NPLOC4: variants seen among roughly 807,000 people sequenced by gnomAD.
NPLOC4 encodes the protein nuclear protein localization protein 4 homolog.
Under a neutral mutation model 80.6 loss-of-function variants are expected in NPLOC4, and 18 were observed. The observed-to-expected ratio is 0.22, with a 90% CI of 0.15 to 0.33. NPLOC4 has a LOEUF of 0.33. NPLOC4 is among the 10% of genes least tolerant of loss of function. The probability of loss-of-function intolerance (pLI) is 1.00; values close to 1 mark genes in which losing one functional copy is unlikely to be tolerated. For synonymous variants in NPLOC4, 313 were observed against 301.5 expected (o/e 1.04, Z -0.39); for missense variants, 540 against 786.1 (o/e 0.69, Z 3.74).
At position 81,637,020 on chromosome 17, in the gene NPLOC4, C is replaced by T. The variant is rs1006236750; in HGVS notation, c.-90G>A. ...GCAGACCCGGCCGCGGCCTCAGCCC[C>T]GGCCCCGGCCTCCCTACGCCGCCGC... On this transcript the variant is annotated 5_prime_UTR_variant, in exon 1 of 17. Transcript: ENST00000331134. 2.4e-6 allele frequency: 2 copies of T among 838,666 alleles called. No homozygotes were observed. The highest frequency in any genetic ancestry group is 3.1e-6 in the Non-Finnish European group (2 of 642,790). 52.0% of individuals were successfully genotyped at this position (838,666 alleles called of 1,614,324 possible).
intron 11 of NPLOC4, 38 bp from the exon 12 acceptor site, chr17:81,589,142 G>GT: frequency 6.3e-7 from 1 of 1,583,334 alleles, no homozygotes; most frequent in Non-Finnish European, 8.6e-7. Flanking sequence ...TCTACCAAAC[G>GT]GCATTCAAAA....
intron 12 of NPLOC4, among the ~76,000 whole-genome samples, chr17:81,578,455 T>C (rs1023273375): frequency 1.3e-5 from 2 of 152,212 alleles, no homozygotes; most frequent in African/African-American, 4.8e-5. Flanking sequence ...TCTCAACAGA[T>C]AAACGGTACG....
At chr17:81,592,309 C>T (rs2034772956) in intron 11 of NPLOC4, among the ~76,000 whole-genome samples, 3 of 152,144 alleles carry the variant, frequency 2.0e-5, no homozygotes, top group Admixed American at 6.5e-5. Flanking sequence ...GGAAAGAGCA[C>T]ACTTTACTTG....
intron 7 of NPLOC4, among the ~76,000 whole-genome samples, chr17:81,605,386 C>T (rs1433114436): frequency 6.6e-6 from 1 of 152,022 alleles, no homozygotes; most frequent in Non-Finnish European, 1.5e-5. Flanking sequence ...GTGGCTCATG[C>T]CTGTAATCCC....
At chr17:81,636,730 A>G (rs2036088145) in intron 1 of NPLOC4, among the ~76,000 whole-genome samples, 186 bp downstream of exon 1, 1 of 152,024 alleles carries the variant, frequency 6.6e-6, no homozygotes. Flanking sequence ...AGGGACACGG[A>G]CGGGAAGCAG....
At position 81,557,624 on chromosome 17, in the gene NPLOC4, A is replaced by C. The variant is rs1269980466; in HGVS notation, c.*1635T>G. On this transcript the variant is annotated 3_prime_UTR_variant, in exon 17 of 17. Transcript: ENST00000331134. ...GGCTCACAGCTCATCTCAGGACCAG[A>C]GGAGACAGCAGAGGACAAAACTTCA... 6.6e-6 allele frequency: 1 copy of C among 151,976 alleles called. No individual in the cohort carries two copies. Among genetic ancestry groups the C allele is most frequent in the South Asian group, 2.1e-4 (1 of 4,834 alleles). The allele number at this position is 151,976 out of a possible 1,614,324, so 9.4% of individuals were successfully genotyped here.
chr17:81,608,801 T>A lies in NPLOC4; in HGVS notation c.457A>T (p.Asn153Tyr). ...PLEPFDEDYL[N>Y]HLEPPVKHMS... ...TGCTTCACGGGAGGCTCGAGATGGT[T>A]TAGATAGTCCTCATCGAATGGCTGC... Residue 153 changes from asparagine (N) to tyrosine (Y), a missense_variant, in exon 6 of 17, where the codon AAC becomes TAC. Physicochemically the swap from Asn to Tyr is moderately radical, Grantham distance 143. Around this residue, in one of 6 missense-constraint regions of NPLOC4, gnomAD observed 61 missense variants for 156.7 expected, o/e 0.39. Transcript: ENST00000331134. The A allele has an allele frequency of 6.3e-7, 1 of 1,587,344 alleles. No homozygotes were observed. The highest frequency in any genetic ancestry group is 8.6e-7 in the Non-Finnish European group (1 of 1,166,474).
chr17:81,595,929 T>G (rs561024757), intron 11 of NPLOC4, among the ~76,000 whole-genome samples, 187 bp downstream of exon 11: 1 of 125,976 alleles, frequency 7.9e-6, no homozygotes, highest in South Asian at 2.4e-4. Flanking sequence ...GGGGTTTGTG[T>G]TTATATAGTT....
At chr17:81,624,531 G>A (rs1383775311) in intron 2 of NPLOC4, among the ~76,000 whole-genome samples, 10 of 152,124 alleles carry the variant, frequency 6.6e-5, no homozygotes, top group African/African-American at 1.7e-4. Context: ...CCTGGGAGGC[G>A]GAGCTGCAGT....
At chr17:81,583,704 T>C (rs1192437574) in intron 12 of NPLOC4, among the ~76,000 whole-genome samples, 1 of 152,148 alleles carries the variant, frequency 6.6e-6, no homozygotes, top group Non-Finnish European at 1.5e-5. Context: ...GCTCCCCTCA[T>C]CTGTCCACAA....
At position 81,580,015 on chromosome 17, in the gene NPLOC4, A is replaced by T. The variant is rs2034397504; in HGVS notation, c.1282-7927T>A. Among the ~76,000 whole-genome samples the T allele has an allele frequency of 1.3e-5, 2 of 151,984 alleles. No individual in the cohort carries two copies. Among genetic ancestry groups the T allele is most frequent in the Non-Finnish European group, 2.9e-5 (2 of 67,972 alleles). ...AAGGCAAAGCCTCCTCTCCTGACTC[A>T]CCAGGGAGCTCCTTTCTTGCCTGCC... On this transcript the variant is annotated intron_variant, in intron 12 of 16. Transcript: ENST00000331134. This position sits in a 1 kb window ranked among gnomAD's most constrained non-coding sequence, Gnocchi z 4.4.
chr17:81,607,734 C>G (rs1294749683), intron 6 of NPLOC4, among the ~76,000 whole-genome samples: 1 of 152,174 alleles, frequency 6.6e-6, no homozygotes, highest in Non-Finnish European at 1.5e-5. Flanking sequence ...TGCACCCACT[C>G]CTTAGTCCAG....
intron 2 of NPLOC4, among the ~76,000 whole-genome samples, chr17:81,628,224 GA>G (rs538884096): frequency 1.2e-3 from 141 of 120,738 alleles, no homozygotes; most frequent in African/African-American, 4.0e-3. Context: ...AAAAAAAAAA[GA>G]AAAAAAAAAG....
At chr17:81,631,394 G>A (rs973307885) in intron 1 of NPLOC4, among the ~76,000 whole-genome samples, 1 of 141,336 alleles carries the variant, frequency 7.1e-6, no homozygotes, top group East Asian at 2.1e-4. Context: ...AATAACGTGT[G>A]TGTGCATATA....
intron 1 of NPLOC4, among the ~76,000 whole-genome samples, chr17:81,633,714 C>G (rs1259814999): frequency 6.6e-6 from 1 of 152,110 alleles, no homozygotes; most frequent in African/African-American, 2.4e-5. Context: ...AAACTCTTTT[C>G]TCCCCCCAAG....
At chr17:81,600,547 G>T in intron 8 of NPLOC4, 120 bp from the exon 9 acceptor site, 1 of 711,216 alleles carries the variant, frequency 1.4e-6, no homozygotes, top group Non-Finnish European at 2.5e-6. Context: ...TTGTCAGAAA[G>T]GAGAACTATA....
chr17:81,573,990 T>TG (rs1479461429), intron 12 of NPLOC4, among the ~76,000 whole-genome samples: 1 of 152,198 alleles, frequency 6.6e-6, no homozygotes, highest in Non-Finnish European at 1.5e-5. Context: ...CTGGCTGTGA[T>TG]GGGGGCGCTA....
chr17:81,619,182 A>T (rs1199437963), intron 3 of NPLOC4, among the ~76,000 whole-genome samples: 2 of 149,238 alleles, frequency 1.3e-5, no homozygotes, highest in Non-Finnish European at 3.0e-5. Context: ...TCTGCGAGAA[A>T]CACCCAAGAA....
At chr17:81,588,538 C>T (rs1009801169) in intron 12 of NPLOC4, among the ~76,000 whole-genome samples, 7 of 152,166 alleles carry the variant, frequency 4.6e-5, no homozygotes, top group Non-Finnish European at 7.3e-5. Flanking sequence ...TGTAGAGACA[C>T]AGTCTCGCTA....
Sources: gnomAD v4.1 joint callset for allele counts (sites outside exome capture counted in the v4.1 genomes callset) on GRCh38, gnomAD v4.1.1 for gene constraint, gnomAD v4.1.1 regional missense constraint, Gnocchi (gnomAD v3.1) non-coding constraint, MANE v1.5 for transcripts, NCBI Gene and HGNC (gene_info 2026-07-23, HGNC 2026-07-21) for gene names.